CRAMP1: variants seen among roughly 807,000 people sequenced by gnomAD.
CRAMP1 encodes cramped chromatin regulator 1.
Under a neutral mutation model 115.4 loss-of-function variants are expected in CRAMP1, and 50 were observed. That is an observed-to-expected ratio of 0.43 (90% CI 0.35 to 0.55). The LOEUF is 0.55. Ranked by LOEUF, CRAMP1 falls within the 20% of genes least tolerant of loss-of-function variation. The probability of loss-of-function intolerance (pLI) is 0.01; values close to 1 mark genes in which losing one functional copy is unlikely to be tolerated. For missense variants in CRAMP1, 1,679 were observed against 1,721.7 expected (o/e 0.98, Z 0.44); for synonymous variants, 866 against 745.4 (o/e 1.16, Z -2.64).
At chr16:1,619,498 C>G (rs2036448789) in intron 2 of CRAMP1, among the ~76,000 whole-genome samples, 1 of 152,148 alleles carries the variant, frequency 6.6e-6, no homozygotes, top group South Asian at 2.1e-4. Context: ...GTTTTTAACA[C>G]TAAAGAACCA....
intron 5 of CRAMP1, among the ~76,000 whole-genome samples, chr16:1,638,786 A>G (rs1467971675): frequency 1.3e-5 from 2 of 151,948 alleles, no homozygotes; most frequent in Non-Finnish European, 2.9e-5. Flanking sequence ...TGTCTGTGCC[A>G]GGCCTGCACC....
intron 8 of CRAMP1, 107 bp downstream of exon 8, chr16:1,653,263 C>T (rs1052634975): frequency 2.7e-5 from 36 of 1,317,588 alleles, no homozygotes; most frequent in Middle Eastern, 2.6e-4. Context: ...AGGTCCACCC[C>T]TATGCTCTGT....
chr16:1,631,552 G>T (rs2036548369), intron 3 of CRAMP1, among the ~76,000 whole-genome samples: 1 of 152,218 alleles, frequency 6.6e-6, no homozygotes, highest in Admixed American at 6.5e-5. Context: ...GTACTTAGGA[G>T]CTTGGCTTTG....
At chr16:1,655,823 C>G (rs910468843) in intron 9 of CRAMP1, 54 bp from the exon 10 acceptor site, 14 of 1,558,762 alleles carry the variant, frequency 9.0e-6, no homozygotes, top group African/African-American at 4.0e-5. Context: ...TGTGCCTGGT[C>G]AGCATCCCGA....
chr16:1,661,762 A>G (rs951915775), intron 11 of CRAMP1, among the ~76,000 whole-genome samples: 10 of 152,032 alleles, frequency 6.6e-5, no homozygotes, highest in African/African-American at 1.2e-4. Context: ...TGCTCGGGTA[A>G]TTTTTGTTTT....
intron 11 of CRAMP1, among the ~76,000 whole-genome samples, chr16:1,661,586 T>C (rs1203744188): frequency 1.3e-5 from 2 of 150,472 alleles, no homozygotes; most frequent in East Asian, 1.9e-4. Context: ...GTCCCTACTA[T>C]GAAAGAATTT....
intron 2 of CRAMP1, among the ~76,000 whole-genome samples, chr16:1,623,047 C>T (rs1358929461): frequency 6.6e-6 from 1 of 152,152 alleles, no homozygotes; most frequent in Non-Finnish European, 1.5e-5. Flanking sequence ...CAGGCGCCCA[C>T]CACCACGCCC....
intron 6 of CRAMP1, among the ~76,000 whole-genome samples, chr16:1,642,849 C>T (rs950779127): frequency 2.0e-5 from 3 of 152,208 alleles, no homozygotes; most frequent in Non-Finnish European, 4.4e-5. Flanking sequence ...TGCTTGAGGA[C>T]GGTGCACAGA....
chr16:1,669,213 G>C lies in CRAMP1; in HGVS notation c.3499+48G>C, dbSNP rs372607694. ...CATCTCCTTTTCCAGGGCAGCAGGG[G>C]CTGGGGTCTGCGGGACACTGGATTC... On this transcript the variant is annotated intron_variant, in intron 19 of 20. Coordinates refer to ENST00000397412, the MANE Select transcript of CRAMP1 (RefSeq NM_020825.4). The surrounding 1 kb of genome is among the most constrained non-coding windows in gnomAD (Gnocchi z 4.6). 4 of 1,432,360 alleles carry C rather than the reference G, an allele frequency of 2.8e-6. No individual in the cohort carries two copies. The South Asian group carries it at 5.5e-5, about 20-fold the overall frequency. The allele number at this position is 1,432,360 out of a possible 1,614,324, so 88.7% of individuals were successfully genotyped here.
intron 5 of CRAMP1, among the ~76,000 whole-genome samples, chr16:1,640,347 T>C (rs2036621796): frequency 6.6e-6 from 1 of 152,214 alleles, no homozygotes; most frequent in Non-Finnish European, 1.5e-5. Flanking sequence ...CCTGTGCTGC[T>C]CTGATGAGAG....
rs559246244 is a variant in CRAMP1, at chr16:1,620,228, G to A, written c.346+5243G>A. Among the ~76,000 whole-genome samples, 5 of 152,338 alleles carry A rather than the reference G, an allele frequency of 3.3e-5. No homozygotes were observed. In the Middle Eastern group the frequency reaches 0.014, roughly 415 times the overall value. ...AGGCACGGAATGCCTCAGGAGACTT[G>A]GAGGTGGACGCGTTGGACCTCTGCA... On this transcript the variant is annotated intron_variant, in intron 2 of 20. Coordinates refer to ENST00000397412, the MANE Select transcript of CRAMP1 (RefSeq NM_020825.4).
At position 1,646,110 on chromosome 16, in the gene CRAMP1, T is replaced by C. The variant is rs79785609; in HGVS notation, c.827+4923T>C. On this transcript the variant is annotated intron_variant, in intron 6 of 20. Transcript: ENST00000397412. ...TGTTGACTTGTGGATCTGCAGCTTA[T>C]ACTTTCACCTGCTGAGTCATGTTCC... Among the ~76,000 whole-genome samples the C allele has an allele frequency of 4.0e-3, 613 of 152,332 alleles. 7 individuals carry two copies. Among genetic ancestry groups the C allele is most frequent in the African/African-American group, 0.013 (551 of 41,574 alleles).
In CRAMP1 at chr16:1,656,200, C is replaced by G; in HGVS notation, c.1443C>G (p.Asp481Glu). The change falls in exon 10 of 21, where the codon GAC (aspartate) becomes GAG (glutamate). Residue 481 changes from aspartate (D) to glutamate (E), a missense_variant. Physicochemically the swap from Asp to Glu is conservative, Grantham distance 45. Coordinates refer to ENST00000397412, the MANE Select transcript of CRAMP1 (RefSeq NM_020825.4). This position sits in a 1 kb window ranked among gnomAD's most constrained non-coding sequence, Gnocchi z 5.6. The part of the protein sequence containing the change: ...KGVGRPPPAA[D>E]ALQSSGESSP... ...TGGGGCGGCCCCCTCCTGCGGCTGA[C>G]GCCTTGCAGAGCTCCGGAGAGAGTT... is the stretch of plus-strand genomic sequence containing the variant. 6.2e-7 allele frequency: 1 copy of G among 1,602,046 alleles called. No homozygotes were observed. Among genetic ancestry groups the G allele is most frequent in the Non-Finnish European group, 8.5e-7 (1 of 1,175,022 alleles).
chr16:1,639,484 G>A (rs1012311846), intron 5 of CRAMP1, among the ~76,000 whole-genome samples: 1 of 151,676 alleles, frequency 6.6e-6, no homozygotes, highest in Non-Finnish European at 1.5e-5. Flanking sequence ...ACTGAAGTGA[G>A]GTTACAAAGG....
At chr16:1,632,445 C>T (rs961934696) in intron 4 of CRAMP1, 80 bp downstream of exon 4, 114 of 1,378,816 alleles carry the variant, frequency 8.3e-5, no homozygotes, top group Non-Finnish European at 1.0e-4. Context: ...CCAGCAAGCC[C>T]GCCGGACCTG....
At chr16:1,619,755 G>A (rs1463739950) in intron 2 of CRAMP1, among the ~76,000 whole-genome samples, 1 of 152,202 alleles carries the variant, frequency 6.6e-6, no homozygotes, top group African/African-American at 2.4e-5. Flanking sequence ...TGCAGGCACT[G>A]AGGGTGGGAG....
Position 1,666,038 on chromosome 16 carries a change from G to A in CRAMP1, c.2753-35G>A, listed in dbSNP as rs2036872722. On this transcript the variant is annotated intron_variant, in intron 14 of 20. Coordinates refer to ENST00000397412, the MANE Select transcript of CRAMP1 (RefSeq NM_020825.4). This position sits in a 1 kb window ranked among gnomAD's most constrained non-coding sequence, Gnocchi z 5.0. ...CCTGCTGTGAGGGCATGGCGGGCGG[G>A]CTCGACATGTCTGCTTTTGCCCTCG... 5 of 1,431,126 alleles carry A rather than the reference G, an allele frequency of 3.5e-6. No homozygotes were observed. The highest frequency in any genetic ancestry group is 9.6e-7 in the Non-Finnish European group (1 of 1,038,700). 88.7% of individuals were successfully genotyped at this position (1,431,126 alleles called of 1,614,324 possible).
intron 6 of CRAMP1, among the ~76,000 whole-genome samples, chr16:1,643,548 GA>G (rs541292575): frequency 2.8e-3 from 370 of 131,492 alleles, no homozygotes; most frequent in Middle Eastern, 8.1e-3. Context: ...CTAGGGGAAA[GA>G]AAAAAAAAAA....
chr16:1,641,832 G>T (rs369493282), intron 6 of CRAMP1, among the ~76,000 whole-genome samples: 1 of 151,562 alleles, frequency 6.6e-6, no homozygotes, highest in African/African-American at 2.4e-5. Flanking sequence ...GCCACAGCCT[G>T]GGGGGGTTCC....
Sources: allele counts gnomAD v4.1 joint callset (sites outside exome capture counted in the v4.1 genomes callset), GRCh38; gene constraint gnomAD v4.1.1; non-coding constraint Gnocchi (gnomAD v3.1); transcripts MANE v1.5; gene names NCBI Gene and HGNC (gene_info 2026-07-23, HGNC 2026-07-21).